Variants in PDE10A observed in about 807,000 individuals in gnomAD.
PDE10A encodes cAMP and cAMP-inhibited cGMP 3',5'-cyclic phosphodiesterase 10A.
PDE10A carries 39 observed loss-of-function variants against 97.7 expected under a neutral mutation model. The observed-to-expected ratio is 0.40, with a 90% confidence interval of 0.31 to 0.52. The LOEUF (loss-of-function observed/expected upper bound fraction) is 0.52, where lower values mean the gene tolerates loss of function less well. Ranked by LOEUF, PDE10A falls within the 20% of genes least tolerant of loss-of-function variation. The pLI is 0.56. For missense variants in PDE10A, 731 were observed against 1,047.8 expected (o/e 0.70, Z 4.17); for synonymous variants, 371 against 376.8 (o/e 0.98, Z 0.18).
chr6:165,916,758 C>T (rs887741899), intron 1 of PDE10A, among the ~76,000 whole-genome samples: 6 of 152,174 alleles, frequency 3.9e-5, no homozygotes, highest in African/African-American at 1.4e-4. Context: ...TGGTCTTCAG[C>T]AATGACCAAC....
rs57175607 is a variant in PDE10A, at chr6:165,384,631, AGTGTGTGTGTGT to A, written c.2610+3655_2610+3666del. Among the ~76,000 whole-genome samples, 106 of 67,020 alleles carry A rather than the reference AGTGTGTGTGTGT, an allele frequency of 1.6e-3. 1 individual carries two copies. Among genetic ancestry groups the A allele is most frequent in the African/African-American group, 5.9e-3 (94 of 15,912 alleles). 44.0% of individuals were successfully genotyped at this position (67,020 alleles called of 152,430 possible). A position where few individuals can be genotyped will look rare whatever the true frequency, so the allele number is the denominator to read the frequency against. The stretch of plus-strand genomic sequence containing the variant: ...TAACGTGTGTGTGTATGTGTGAGTG[AGTGTGTGTGTGT>A]GTGTGTGTGTGTGTGTGTGTGTGTG... On this transcript the variant is annotated intron_variant, in intron 17 of 21. Transcript: ENST00000539869.
At chr6:165,982,813 A>G (rs58655794) in intron 1 of PDE10A, among the ~76,000 whole-genome samples, 8,520 of 152,224 alleles carry the variant, frequency 0.056, 600 homozygotes, top group African/African-American at 0.17. Flanking sequence ...ATTCAGTTAT[A>G]ATCAACCAAA....
At chr6:165,792,448 G>A (rs769997646) in intron 1 of PDE10A, among the ~76,000 whole-genome samples, 1 of 152,160 alleles carries the variant, frequency 6.6e-6, no homozygotes, top group South Asian at 2.1e-4. Context: ...GTCACCTCGG[G>A]TCTCACCGGG....
intron 17 of PDE10A, among the ~76,000 whole-genome samples, chr6:165,381,672 G>C (rs1285978324): frequency 7.0e-6 from 1 of 142,442 alleles, no homozygotes; most frequent in South Asian, 2.3e-4. Flanking sequence ...TAGTAGAGAC[G>C]GAGTTTCACC....
intron 2 of PDE10A, among the ~76,000 whole-genome samples, chr6:165,523,519 A>C (rs1026197374): frequency 1.3e-5 from 2 of 152,210 alleles, no homozygotes; most frequent in African/African-American, 4.8e-5. Flanking sequence ...GCAATGGAGA[A>C]AGGACTCCCT....
chr6:165,823,637 T>C (rs1156950693), intron 1 of PDE10A, among the ~76,000 whole-genome samples: 3 of 151,070 alleles, frequency 2.0e-5, no homozygotes, highest in Non-Finnish European at 4.4e-5. Flanking sequence ...GTATCATAAA[T>C]ACAAATCTGT....
chr6:165,839,567 G>A (rs1466644818), intron 1 of PDE10A, among the ~76,000 whole-genome samples: 1 of 152,052 alleles, frequency 6.6e-6, no homozygotes, highest in Non-Finnish European at 1.5e-5. Context: ...TGCTCTCTAC[G>A]TAAGTCCACA....
At chr6:165,762,978 G>T (rs542711823) in intron 1 of PDE10A, among the ~76,000 whole-genome samples, 3 of 152,104 alleles carry the variant, frequency 2.0e-5, no homozygotes, top group African/African-American at 7.2e-5. Context: ...ACTTTCAAAA[G>T]CCCTGGAACA....
intron 1 of PDE10A, among the ~76,000 whole-genome samples, chr6:165,933,977 G>T (rs1235358204): frequency 6.6e-6 from 1 of 151,118 alleles, no homozygotes; most frequent in Non-Finnish European, 1.5e-5. Flanking sequence ...TCATTTTGAA[G>T]CATCAATTCC....
chr6:165,424,507 T>C (rs1191197137), intron 10 of PDE10A, among the ~76,000 whole-genome samples: 1 of 152,092 alleles, frequency 6.6e-6, no homozygotes, highest in Non-Finnish European at 1.5e-5. Context: ...AAGACTCTAA[T>C]GGGGTCTTAG....
chr6:165,333,046 C>T lies in PDE10A; in HGVS notation c.3147G>A (p.Lys1049=), dbSNP rs1407929183. The part of the protein sequence containing the change: ...TWISSPSVAQ[K]AAASED Reference sequence around the variant, plus strand: ...GTGCTCAATCTTCAGATGCAGCTGCCTTCTGAGCCACGGATGGGGATGAAA... The same window carrying T: ...GTGCTCAATCTTCAGATGCAGCTGCTTTCTGAGCCACGGATGGGGATGAAA... Residue 1049 remains lysine (K), a synonymous_variant, in exon 22 of 22, where the codon AAG becomes AAA. Transcript: ENST00000539869. The T allele has an allele frequency of 6.2e-7, 1 of 1,610,448 alleles. No individual in the cohort carries two copies. Among genetic ancestry groups the T allele is most frequent in the Admixed American group, 1.7e-5 (1 of 60,004 alleles).
chr6:165,729,359 T>C (rs913556558), intron 1 of PDE10A, among the ~76,000 whole-genome samples: 3 of 152,208 alleles, frequency 2.0e-5, no homozygotes, highest in Non-Finnish European at 1.5e-5. Context: ...ATTAAACATT[T>C]TTTGAATAAA....
At chr6:165,676,205 T>C (rs971468922) in intron 1 of PDE10A, among the ~76,000 whole-genome samples, 1 of 152,056 alleles carries the variant, frequency 6.6e-6, no homozygotes. Context: ...CAGAGTGGAA[T>C]CACAGACTTT....
intron 13 of PDE10A, among the ~76,000 whole-genome samples, chr6:165,405,675 T>G (rs1401070830): frequency 6.6e-6 from 1 of 152,160 alleles, no homozygotes; most frequent in Non-Finnish European, 1.5e-5. Context: ...GGTCAGAATG[T>G]TGGAAAGTAA....
At chr6:165,878,686 T>C (rs1382482504) in intron 1 of PDE10A, among the ~76,000 whole-genome samples, 1 of 152,180 alleles carries the variant, frequency 6.6e-6, no homozygotes, top group Non-Finnish European at 1.5e-5. Context: ...AACAGGAACA[T>C]TGCAGGTATG....
At chr6:165,544,501 G>A (rs185283646) in intron 1 of PDE10A, among the ~76,000 whole-genome samples, 2 of 151,440 alleles carry the variant, frequency 1.3e-5, no homozygotes, top group East Asian at 1.9e-4. Flanking sequence ...CTTCAGTGAC[G>A]GGAATTATTT....
At chr6:165,781,825 G>A (rs1040734882) in intron 1 of PDE10A, 1 of 152,294 alleles carries the variant, frequency 6.6e-6, no homozygotes, top group Non-Finnish European at 1.5e-5. Context: ...GGAGAAGTGG[G>A]GAGATGGATG....
intron 1 of PDE10A, among the ~76,000 whole-genome samples, chr6:165,831,410 T>A (rs2128471128): frequency 7.3e-6 from 1 of 136,782 alleles, no homozygotes; most frequent in Admixed American, 7.6e-5. Flanking sequence ...TTGCCCAGGA[T>A]AAGAATTCAC....
chr6:165,629,446 T>C (rs1249488561), intron 1 of PDE10A, among the ~76,000 whole-genome samples: 1 of 152,052 alleles, frequency 6.6e-6, no homozygotes, highest in Non-Finnish European at 1.5e-5. Flanking sequence ...CATTTTCAAA[T>C]GTAAACTCTT....
Sources: gnomAD v4.1 joint callset for allele counts (sites outside exome capture counted in the v4.1 genomes callset) on GRCh38, gnomAD v4.1.1 for gene constraint, MANE v1.5 for transcripts, NCBI Gene and HGNC (gene_info 2026-07-23, HGNC 2026-07-21) for gene names.